DDX27: variants seen among roughly 807,000 people sequenced by gnomAD.
DDX27 encodes DEAD-box helicase 27.
In DDX27, 42 loss-of-function variants were observed where a neutral mutation model predicts 99.3. The observed-to-expected ratio is 0.42, with a 90% confidence interval of 0.33 to 0.55. The LOEUF is 0.55. Among genes scored for constraint, DDX27 ranks in the 20% least tolerant of loss-of-function variants. The pLI is 0.07. For synonymous variants in DDX27, 329 were observed against 353.8 expected (o/e 0.93, Z 0.79); for missense variants, 798 against 976.8 (o/e 0.82, Z 2.44).
In DDX27 at chr20:49,228,762, A is replaced by G. The variant is rs1246358803; in HGVS notation, c.754A>G (p.Lys252Glu). 6.2e-7 allele frequency: 1 copy of G among 1,612,650 alleles called. No individual in the cohort carries two copies. The highest frequency in any genetic ancestry group is 8.5e-7 in the Non-Finnish European group (1 of 1,179,184). Residue 252 changes from lysine to glutamate, a missense_variant, in exon 8 of 21, where the codon AAA (lysine) becomes GAA (glutamate). Around this residue, in one of 2 missense-constraint regions of DDX27, gnomAD observed 553 missense variants for 727.9 expected, o/e 0.76. Transcript: ENST00000618172. ...GCCTGTTTTGGAGCGTCTGATTTAT[A>G]AACCCCGCCAGGCTCCAGTCACCCG... Reference protein sequence around the residue: ...ALPVLERLIYKPRQAPVTRVL... With the variant: ...ALPVLERLIYEPRQAPVTRVL...
chr20:49,230,448 C>T (rs1812063130), intron 9 of DDX27, 99 bp downstream of exon 9: 3 of 1,410,288 alleles, frequency 2.1e-6, no homozygotes, highest in Non-Finnish European at 2.9e-6. Flanking sequence ...TGGCTCTGGG[C>T]CATGGCTGTT....
chr20:49,219,481 A>C lies in DDX27; in HGVS notation c.33A>C (p.Ile11=). The change falls in exon 1 of 21, where the codon ATA becomes ATC. Residue 11 remains isoleucine (I), a synonymous_variant. Transcript: ENST00000618172. The stretch of plus-strand genomic sequence containing the variant: ...CGGACCTCGGCTTAATCGGAACCAT[A>C]GGCGAGGATGACGAGGTGCCGGTGG... The part of the protein sequence containing the change: MLADLGLIGT[I]GEDDEVPVEP... 1 of 1,614,044 alleles carries C rather than the reference A, an allele frequency of 6.2e-7. No homozygotes were observed.
At chr20:49,232,285 C>T (rs900826893) in intron 9 of DDX27, among the ~76,000 whole-genome samples, 1 of 152,086 alleles carries the variant, frequency 6.6e-6, no homozygotes, top group Admixed American at 6.5e-5. Context: ...ACGTGGCAGC[C>T]AGTTGCAAGG....
At position 49,236,124 on chromosome 20, in the gene DDX27, G is replaced by T; in HGVS notation, c.1428-26G>T. 6.3e-7 allele frequency: 1 copy of T among 1,593,704 alleles called. No homozygotes were observed. Among genetic ancestry groups the T allele is most frequent in the Non-Finnish European group, 8.6e-7 (1 of 1,169,188 alleles). ...CATTATTAGGGGAGGGTGTCTGGAT[G>T]AACAGCTGTTTGTGACTGTTTCTAG... On this transcript the variant is annotated intron_variant, in intron 12 of 20. Transcript: ENST00000618172. This position sits in a 1 kb window ranked among gnomAD's most constrained non-coding sequence, Gnocchi z 4.1.
chr20:49,232,613 T>C (rs1349856806), intron 9 of DDX27, among the ~76,000 whole-genome samples: 5 of 151,424 alleles, frequency 3.3e-5, no homozygotes, highest in Non-Finnish European at 5.9e-5. Context: ...AATACAAAAA[T>C]ATTAGCCGGG....
rs1016932752 is a variant in DDX27 at position 49,241,956 on chromosome 20, T to C, written c.1961T>C (p.Met654Thr). ...LRGKKKRKKF[M>T]KDAKKKGEMT... ...GGAAAGAAGAAAAGGAAGAAGTTTA[T>C]GAAGGATGCCAAAAAAAAGGGGGAG... The change falls in exon 17 of 21, where the codon ATG (methionine) becomes ACG (threonine). Residue 654 changes from methionine (M) to threonine (T), a missense_variant. By Grantham distance (81) the Met-to-Thr change is moderately conservative (BLOSUM62 -1). Coordinates refer to ENST00000618172, the MANE Select transcript of DDX27 (RefSeq NM_017895.8). 6.8e-6 allele frequency: 11 copies of C among 1,613,688 alleles called. No individual in the cohort carries two copies. Among genetic ancestry groups the C allele is most frequent in the African/African-American group, 1.3e-5 (1 of 74,878 alleles).
At chr20:49,234,077 A>T (rs1079661) in intron 11 of DDX27, 92,901 of 205,356 alleles carry the variant, frequency 0.45, 22,770 homozygotes, top group Middle Eastern at 0.62. Flanking sequence ...ATTTACAATG[A>T]TTGCTTGCAG....
chr20:49,232,166 C>T (rs1212124506), intron 9 of DDX27, among the ~76,000 whole-genome samples: 1 of 151,926 alleles, frequency 6.6e-6, no homozygotes, highest in Non-Finnish European at 1.5e-5. Flanking sequence ...GGATTATAGG[C>T]ATGAGCCACC....
chr20:49,227,134 T>G (rs938981882), intron 7 of DDX27, among the ~76,000 whole-genome samples: 2 of 152,050 alleles, frequency 1.3e-5, no homozygotes, highest in Non-Finnish European at 2.9e-5. Context: ...AGTGCTGGGA[T>G]TACAGGCGTG....
At position 49,225,157 on chromosome 20, in the gene DDX27, C is replaced by G; in HGVS notation, c.558C>G (p.Asn186Lys). ...AAGATGCATCTCAGTACGATGAAAA[C>G]CTCTCGTTCCAGGACATGAACCTTT... ...FFEDASQYDE[N>K]LSFQDMNLSR... The change falls in exon 6 of 21, where the codon AAC becomes AAG. Residue 186 changes from asparagine (N) to lysine (K), a missense_variant. Transcript: ENST00000618172. 6.2e-7 allele frequency: 1 copy of G among 1,613,928 alleles called. No individual in the cohort carries two copies. The highest frequency in any genetic ancestry group is 8.5e-7 in the Non-Finnish European group (1 of 1,179,950).
chr20:49,242,253 A>G (rs1296396112), intron 18 of DDX27, 47 bp downstream of exon 18: 1 of 1,604,856 alleles, frequency 6.2e-7, no homozygotes, highest in Non-Finnish European at 8.5e-7. Flanking sequence ...GTTTTCCCTG[A>G]AACCTGTGCT....
chr20:49,239,380 C>T, intron 16 of DDX27, 42 bp downstream of exon 16: 1 of 1,437,472 alleles, frequency 7.0e-7, no homozygotes, highest in Admixed American at 1.9e-5. Context: ...TACAGAATTA[C>T]CCCACAGGAC....
intron 19 of DDX27, 53 bp from the exon 20 acceptor site, chr20:49,243,576 A>C (rs1489939823): frequency 6.6e-7 from 1 of 1,520,244 alleles, no homozygotes; most frequent in Admixed American, 1.7e-5. Context: ...GGGTGAGACA[A>C]CACCCATTTG....
chr20:49,234,745 C>A, intron 11 of DDX27, 190 bp from the exon 12 acceptor site: 1 of 583,372 alleles, frequency 1.7e-6, no homozygotes, highest in Non-Finnish European at 2.8e-6. Flanking sequence ...TGCACTCTCT[C>A]TCACAGCATT....
At position 49,233,382 on chromosome 20, in the gene DDX27, T is replaced by A; in HGVS notation, c.1108T>A (p.Phe370Ile). 1 of 1,614,024 alleles carries A rather than the reference T, an allele frequency of 6.2e-7. No individual in the cohort carries two copies. Among genetic ancestry groups the A allele is most frequent in the Non-Finnish European group, 8.5e-7 (1 of 1,179,980 alleles). Residue 370 changes from phenylalanine (F) to isoleucine (I), a missense_variant, in exon 10 of 21, where the codon TTC (phenylalanine) becomes ATC (isoleucine). Physicochemically the swap from Phe to Ile is conservative, Grantham distance 21 (BLOSUM62 0). Around this residue, in one of 2 missense-constraint regions of DDX27, gnomAD observed 553 missense variants for 727.9 expected, o/e 0.76. Coordinates refer to ENST00000618172, the MANE Select transcript of DDX27 (RefSeq NM_017895.8). Reference sequence around the variant, plus strand: ...TTCCCACCACCGCCAGACCATGCTCTTCTCGGCCACCATGACAGACGAGGT... The same window carrying A: ...TTCCCACCACCGCCAGACCATGCTCATCTCGGCCACCATGACAGACGAGGT... ...MCSHHRQTMLFSATMTDEVKD... is the reference protein window; with the variant it reads ...MCSHHRQTMLISATMTDEVKD...
chr20:49,222,675 C>T (rs888673120), intron 2 of DDX27, among the ~76,000 whole-genome samples: 16 of 152,034 alleles, frequency 1.1e-4, no homozygotes, highest in East Asian at 7.8e-4. Context: ...CCACCACACC[C>T]GGCTAATTTT....
Position 49,224,044 on chromosome 20 carries a change from A to C in DDX27, c.466+611A>C, listed in dbSNP as rs62212764. On this transcript the variant is annotated intron_variant, in intron 4 of 20. Transcript: ENST00000618172. ...CAGGTGCATGCCCCTGCGCCTGGCT[A>C]ATTTTTTTTTTTTGTAGGGACGGGG... 2.0e-5 allele frequency among the ~76,000 whole-genome samples: 3 copies of C among 151,734 alleles called. No individual in the cohort carries two copies. In the South Asian group the frequency reaches 6.3e-4, roughly 32 times the overall value.
intron 10 of DDX27, 48 bp downstream of exon 10, chr20:49,233,453 G>T (rs901839586): frequency 6.2e-7 from 1 of 1,605,926 alleles, no homozygotes. Context: ...TGCCCAGAGG[G>T]GGCCATGCAG....
rs553424896 is a variant in DDX27 at position 49,243,875 on chromosome 20, T to C, written c.*41T>C. 5 of 1,612,924 alleles carry C rather than the reference T, an allele frequency of 3.1e-6. No individual in the cohort carries two copies. The highest frequency in any genetic ancestry group is 4.2e-6 in the Non-Finnish European group (5 of 1,179,290). ...GAAATTCATGGGGGCAGCCCTTAAA[T>C]CCCTTCCCTGTGGGAAGTCATCCTG... On this transcript the variant is annotated 3_prime_UTR_variant, in exon 21 of 21. Coordinates refer to ENST00000618172, the MANE Select transcript of DDX27 (RefSeq NM_017895.8).
Sources: gnomAD v4.1 joint callset for allele counts (sites outside exome capture counted in the v4.1 genomes callset) on GRCh38, gnomAD v4.1.1 for gene constraint, gnomAD v4.1.1 regional missense constraint, Gnocchi (gnomAD v3.1) non-coding constraint, MANE v1.5 for transcripts, NCBI Gene and HGNC (gene_info 2026-07-23, HGNC 2026-07-21) for gene names.